The following IL1RAPL1 variants were observed in gnomAD, a reference collection of about 807,000 sequenced individuals.
IL1RAPL1 encodes interleukin 1 receptor accessory protein like 1, also known as interleukin-1 receptor accessory protein-like 1.
In IL1RAPL1, 3 loss-of-function variants were observed where a neutral mutation model predicts 48.4. That is an observed-to-expected ratio of 0.06 (90% confidence interval 0.03 to 0.16). The LOEUF is 0.16. Among genes scored for constraint, IL1RAPL1 ranks in the 10% least tolerant of loss-of-function variants. The probability of loss-of-function intolerance (pLI) is 1.00; values close to 1 mark genes in which losing one functional copy is unlikely to be tolerated. For missense variants in IL1RAPL1, 349 were observed against 530.6 expected (o/e 0.66, Z 3.36); for synonymous variants, 185 against 187.7 (o/e 0.99, Z 0.12).
chrX:29,648,810 C>G (rs978219870), intron 5 of IL1RAPL1, among the ~76,000 whole-genome samples: 4 of 110,625 alleles, frequency 3.6e-5, no homozygotes, highest in African/African-American at 1.3e-4. Context: ...AAATGGAGAT[C>G]AGAAAAACAA....
At position 28,815,863 on chromosome X, in the gene IL1RAPL1, A is replaced by G. The variant is rs1437402285; in HGVS notation, c.82+26438A>G. ...TGTATATATATATATATATATATATATATATATATATATATATATATAATT... is the reference window on the plus strand; with the variant it reads ...TGTATATATATATATATATATATATGTATATATATATATATATATATAATT... On this transcript the variant is annotated intron_variant, in intron 2 of 10. Transcript: ENST00000378993. 1.5e-3 allele frequency among the ~76,000 whole-genome samples: 105 copies of G among 72,347 alleles called. 3 individuals are homozygous for G. Among genetic ancestry groups the G allele is most frequent in the African/African-American group, 4.4e-3 (97 of 22,040 alleles). The allele number at this position is 72,347 out of a possible 115,157, so 62.8% of individuals were successfully genotyped here.
intron 2 of IL1RAPL1, among the ~76,000 whole-genome samples, chrX:28,825,360 C>T (rs1470696818): frequency 1.8e-5 from 2 of 111,187 alleles, no homozygotes; most frequent in Non-Finnish European, 3.8e-5. Flanking sequence ...TGAGAGCCTG[C>T]AGAGCTTTCT....
At chrX:29,627,358 A>T (rs189731253) in intron 5 of IL1RAPL1, among the ~76,000 whole-genome samples, 94 of 112,306 alleles carry the variant, frequency 8.4e-4, no homozygotes, top group Non-Finnish European at 1.2e-3. Context: ...CCATTTATTA[A>T]TTAGGTTGGA....
intron 1 of IL1RAPL1, among the ~76,000 whole-genome samples, chrX:28,634,439 G>A (rs150242697): frequency 0.052 from 5,616 of 107,658 alleles, 185 homozygotes; most frequent in Non-Finnish European, 0.079. Context: ...ATATATACAC[G>A]TATTTATATA....
At chrX:29,025,850 C>T (rs1926473520) in intron 2 of IL1RAPL1, among the ~76,000 whole-genome samples, 1 of 111,473 alleles carries the variant, frequency 9.0e-6, no homozygotes, top group Admixed American at 9.6e-5. Context: ...GTTTGCCTGT[C>T]TCTTTACAGA....
chrX:28,832,853 T>G, intron 2 of IL1RAPL1, among the ~76,000 whole-genome samples: 1 of 96,882 alleles, frequency 1.0e-5, no homozygotes, highest in Non-Finnish European at 2.0e-5. Flanking sequence ...ATTCAGGGGG[T>G]ACATTTGCAG....
intron 2 of IL1RAPL1, among the ~76,000 whole-genome samples, chrX:29,274,432 C>T (rs1450699763): frequency 8.9e-6 from 1 of 112,172 alleles, no homozygotes; most frequent in East Asian, 2.8e-4. Context: ...ATTCACTTGG[C>T]GGAGCAGTAC....
chrX:29,773,851 A>C (rs1301644587), intron 6 of IL1RAPL1, among the ~76,000 whole-genome samples: 1 of 112,024 alleles, frequency 8.9e-6, no homozygotes, highest in African/African-American at 3.2e-5. Context: ...ATAATGTCAA[A>C]TAAATATATT....
intron 2 of IL1RAPL1, among the ~76,000 whole-genome samples, chrX:29,119,174 G>A (rs931153153): frequency 7.2e-5 from 8 of 110,452 alleles, no homozygotes; most frequent in African/African-American, 2.3e-4. Context: ...TATTTACATA[G>A]ATGTAAGGAT....
intron 6 of IL1RAPL1, among the ~76,000 whole-genome samples, chrX:29,745,968 T>C (rs1280294127): frequency 8.9e-6 from 1 of 111,918 alleles, no homozygotes; most frequent in Non-Finnish European, 1.9e-5. Context: ...TTTCTATGCA[T>C]ACACAGTCAT....
intron 2 of IL1RAPL1, among the ~76,000 whole-genome samples, chrX:29,261,310 A>G (rs1055382120): frequency 1.8e-5 from 2 of 111,392 alleles, no homozygotes; most frequent in African/African-American, 6.5e-5. Flanking sequence ...TCTGATAAAT[A>G]AGATAATTTG....
intron 2 of IL1RAPL1, among the ~76,000 whole-genome samples, chrX:28,794,810 A>G (rs1936591060): frequency 8.9e-6 from 1 of 112,313 alleles, no homozygotes; most frequent in Admixed American, 9.5e-5. Context: ...TTGTGTTGTT[A>G]TGTATGGATA....
At chrX:29,511,323 G>T (rs1381134347) in intron 5 of IL1RAPL1, among the ~76,000 whole-genome samples, 1 of 111,572 alleles carries the variant, frequency 9.0e-6, no homozygotes, top group East Asian at 2.8e-4. Flanking sequence ...ATTCATCTCT[G>T]TATAAACCCT....
chrX:28,699,548 GT>G (rs1251216058), intron 1 of IL1RAPL1, among the ~76,000 whole-genome samples: 1 of 112,375 alleles, frequency 8.9e-6, no homozygotes, highest in Non-Finnish European at 1.9e-5. Context: ...TCAGCCAGAC[GT>G]TTTCTTTGAA....
chrX:28,772,909 G>T (rs1017137091), intron 1 of IL1RAPL1, among the ~76,000 whole-genome samples: 2 of 111,547 alleles, frequency 1.8e-5, no homozygotes, highest in African/African-American at 6.5e-5. Context: ...ACTCCAACCT[G>T]AATTAAATTC....
At chrX:29,900,711 A>C (rs1932479340) in intron 6 of IL1RAPL1, among the ~76,000 whole-genome samples, 1 of 105,448 alleles carries the variant, frequency 9.5e-6, no homozygotes, top group Non-Finnish European at 1.9e-5. Context: ...TTTGAACATG[A>C]GTATTGTGGG....
Position 28,622,072 on chromosome X carries a change from C to T in IL1RAPL1, c.-25+34025C>T, listed in dbSNP as rs188448378. The stretch of plus-strand genomic sequence containing the variant: ...TTTCCCTTCACATCTAAATATACAA[C>T]GTTAAGCTAGAAAAGTACTATAAGA... On this transcript the variant is annotated intron_variant, in intron 1 of 10. Transcript: ENST00000378993. Among the ~76,000 whole-genome samples, 178 of 111,117 alleles carry T rather than the reference C, an allele frequency of 1.6e-3. 1 individual carries two copies. Among genetic ancestry groups the T allele is most frequent in the African/African-American group, 5.7e-3 (174 of 30,582 alleles).
intron 5 of IL1RAPL1, among the ~76,000 whole-genome samples, chrX:29,654,814 C>A (rs763214046): frequency 3.6e-5 from 4 of 111,824 alleles, no homozygotes; most frequent in Non-Finnish European, 7.5e-5. Flanking sequence ...ACTTTATGTT[C>A]CTATATTTTA....
intron 6 of IL1RAPL1, among the ~76,000 whole-genome samples, chrX:29,741,030 GAAAT>G (rs1171621644): frequency 8.9e-6 from 1 of 111,761 alleles, no homozygotes; most frequent in African/African-American, 3.3e-5. Context: ...TTAAGGAAAA[GAAAT>G]ATACAAAAAT....
Sources: gnomAD v4.1 joint callset for allele counts (sites outside exome capture counted in the v4.1 genomes callset) on GRCh38, gnomAD v4.1.1 for gene constraint, MANE v1.5 for transcripts, NCBI Gene and HGNC (gene_info 2026-07-23, HGNC 2026-07-21) for gene names.